The following OGG1 variants were observed in gnomAD, a reference collection of about 807,000 sequenced individuals.
The protein encoded by OGG1 is 8-oxoguanine DNA glycosylase, also known as N-glycosylase/DNA lyase.
OGG1 carries 35 observed loss-of-function variants against 42.3 expected under a neutral mutation model. That is an observed-to-expected ratio of 0.83 (90% CI 0.63 to 1.10). The LOEUF is 1.10. Among genes scored for constraint, OGG1 ranks in the 50% least tolerant of loss-of-function variants. The probability of loss-of-function intolerance (pLI) is 0.00; values close to 1 mark genes in which losing one functional copy is unlikely to be tolerated. For missense variants in OGG1, 484 were observed against 446.7 expected (o/e 1.08, Z -0.75); for synonymous variants, 189 against 179.0 (o/e 1.06, Z -0.44).
intron 2 of OGG1, among the ~76,000 whole-genome samples, chr3:9,773,892 G>A (rs947217920): frequency 1.3e-5 from 2 of 151,426 alleles, no homozygotes; most frequent in Non-Finnish European, 2.9e-5. Context: ...TGTAGATATC[G>A]GGTCTCTACT....
chr3:9,787,627 A>G, intron 3 of OGG1: 2 of 1,280,274 alleles, frequency 1.6e-6, no homozygotes, highest in South Asian at 1.3e-5. Context: ...GGTCACAGCA[A>G]TTGCCTCTCG....
downstream of OGG1, among the ~76,000 whole-genome samples, chr3:9,790,522 C>T (rs994979208): frequency 6.6e-6 from 1 of 152,246 alleles, no homozygotes; most frequent in Non-Finnish European, 1.5e-5. Flanking sequence ...GTCTCTTCAA[C>T]TAGACCATAA....
In OGG1 at chr3:9,751,794, C is replaced by G; in HGVS notation, c.410C>G (p.Pro137Arg). ...FQGVRLLRQDPIECLFSFICS... is the reference protein window; with the variant it reads ...FQGVRLLRQDRIECLFSFICS... ...GGTGTGCGACTGCTGCGACAAGACCCCATCGAATGCCTTTTCTCTTTTATC... is the reference window on the plus strand; with the variant it reads ...GGTGTGCGACTGCTGCGACAAGACCGCATCGAATGCCTTTTCTCTTTTATC... The change falls in exon 3 of 7, where the codon CCC becomes CGC. Residue 137 changes from proline (P) to arginine (R), a missense_variant. Coordinates refer to ENST00000344629, the MANE Select transcript of OGG1 (RefSeq NM_002542.6). 6.2e-7 allele frequency: 1 copy of G among 1,614,216 alleles called. No homozygotes were observed. The highest frequency in any genetic ancestry group is 1.1e-5 in the South Asian group (1 of 91,088).
chr3:9,762,824 G>T (rs2125582326), intron 7 of OGG1: 2 of 1,264,762 alleles, frequency 1.6e-6, no homozygotes, highest in South Asian at 1.3e-5. Context: ...CTCAGTGAGG[G>T]GGTGAAAGTT....
chr3:9,771,055 T>A (rs933558092), downstream of OGG1, among the ~76,000 whole-genome samples: 9 of 151,652 alleles, frequency 5.9e-5, no homozygotes, highest in Non-Finnish European at 1.3e-4. Flanking sequence ...TAAGACAGGG[T>A]CTTGCTCTGT....
chr3:9,780,670 G>T, intron 2 of OGG1: 1 of 1,027,644 alleles, frequency 9.7e-7, no homozygotes, highest in Non-Finnish European at 1.4e-6. Context: ...GTGTCATACA[G>T]TCGTGACCAA....
chr3:9,761,998 A>G, downstream of OGG1: 2 of 464,730 alleles, frequency 4.3e-6, no homozygotes, highest in South Asian at 5.6e-5. Context: ...TAAAGCCCTA[A>G]AGGAATGTTT....
At chr3:9,767,412 C>T (rs2078183983), downstream of OGG1, among the ~76,000 whole-genome samples, 1 of 152,238 alleles carries the variant, frequency 6.6e-6, no homozygotes, top group Admixed American at 6.5e-5. Flanking sequence ...CTCTTGGCAG[C>T]AAGTTAAATG....
At chr3:9,784,251 G>A (rs772243213) in intron 3 of OGG1, 17 of 1,582,810 alleles carry the variant, frequency 1.1e-5, no homozygotes, top group Non-Finnish European at 1.3e-5. Context: ...TCAAGAGCCA[G>A]CTTGGAGAAG....
downstream of OGG1, among the ~76,000 whole-genome samples, chr3:9,788,599 G>C (rs2078670831): frequency 6.6e-6 from 1 of 151,690 alleles, no homozygotes; most frequent in Non-Finnish European, 1.5e-5. Context: ...GAATACAGTG[G>C]CACGATCTTG....
intron 3 of OGG1, chr3:9,784,244 A>C: frequency 6.3e-7 from 1 of 1,588,282 alleles, no homozygotes; most frequent in Non-Finnish European, 8.6e-7. Flanking sequence ...GTCAGACTCA[A>C]GAGCCAGCTT....
Position 9,750,404 on chromosome 3 carries a change from C to T in OGG1, c.118C>T (p.Pro40Ser), listed in dbSNP as rs1237743071. 6.2e-7 allele frequency: 1 copy of T among 1,613,998 alleles called. No individual in the cohort carries two copies. Among genetic ancestry groups the T allele is most frequent in the South Asian group, 1.1e-5 (1 of 91,082 alleles). ...TGAGCTGCGCCTGGACCTGGTTCTG[C>T]CTTCTGGACAATCTTTCCGGTGAGT... ...RSELRLDLVL[P>S]SGQSFRWREQ... is the part of the protein sequence containing the mutation. Residue 40 changes from proline (P) to serine (S), a missense_variant, in exon 1 of 7, where the codon CCT (proline) becomes TCT (serine). Physicochemically the swap from Pro to Ser is moderately conservative, Grantham distance 74. Coordinates refer to ENST00000344629, the MANE Select transcript of OGG1 (RefSeq NM_002542.6).
In OGG1 at chr3:9,780,694, A is replaced by T. The variant is rs75190597; in HGVS notation, c.295-819A>T. On this transcript the variant is annotated intron_variant, in intron 2 of 3. Coordinates refer to the OGG1 transcript ENST00000426518. ...AGTCGTGACCAAAAAGCAGTTACTG[A>T]CCTACACTTACATGGCACTATCTTA... 4,349 of 708,252 alleles carry T rather than the reference A, an allele frequency of 6.1e-3. 120 individuals are homozygous for T. In the African/African-American group the frequency reaches 0.068, roughly 11 times the overall value. 43.9% of individuals were successfully genotyped at this position (708,252 alleles called of 1,614,324 possible).
At chr3:9,790,786 C>T (rs1212612369), downstream of OGG1, among the ~76,000 whole-genome samples, 4 of 152,194 alleles carry the variant, frequency 2.6e-5, no homozygotes, top group Non-Finnish European at 5.9e-5. Flanking sequence ...GAAACTGACA[C>T]TCAGAGATAT....
At chr3:9,765,282 G>T (rs2078101839) in intron 7 of OGG1, among the ~76,000 whole-genome samples, 1 of 152,042 alleles carries the variant, frequency 6.6e-6, no homozygotes, top group Non-Finnish European at 1.5e-5. Context: ...GGGAGAGATT[G>T]GAAGTGATTC....
At chr3:9,789,992 G>C, downstream of OGG1, 1 of 1,556,270 alleles carries the variant, frequency 6.4e-7, no homozygotes, top group Non-Finnish European at 8.7e-7. Flanking sequence ...GTCACTGAGG[G>C]GGAGAAGGGA....
At chr3:9,760,161 C>G (rs570397310), downstream of OGG1, 3 of 197,722 alleles carry the variant, frequency 1.5e-5, no homozygotes, top group Non-Finnish European at 3.2e-5. Context: ...GAGAATTGCT[C>G]GAACCCGGGA....
chr3:9,761,591 T>TC, downstream of OGG1: 1 of 1,613,084 alleles, frequency 6.2e-7, no homozygotes, highest in Non-Finnish European at 8.5e-7. Context: ...AACTCCTGGT[T>TC]CCCCCCACCA....
intron 7 of OGG1, among the ~76,000 whole-genome samples, chr3:9,763,506 T>G (rs77568896): frequency 0.038 from 5,808 of 151,100 alleles, 134 homozygotes; most frequent in South Asian, 0.092. Context: ...ACCAAGGATC[T>G]CGTCCCCAAA....
Sources: allele counts gnomAD v4.1 joint callset (sites outside exome capture counted in the v4.1 genomes callset), GRCh38; gene constraint gnomAD v4.1.1; transcripts MANE v1.5; gene names NCBI Gene and HGNC (gene_info 2026-07-23, HGNC 2026-07-21).